RHBDD1: variants seen among roughly 807,000 people sequenced by gnomAD.
The protein encoded by RHBDD1 is rhomboid-related protein 4.
RHBDD1 carries 38 observed loss-of-function variants against 36.3 expected under a neutral mutation model. The ratio of observed to expected loss-of-function variants is 1.05; its 90% CI spans 0.81 to 1.37. RHBDD1 has a LOEUF of 1.37. Among genes scored for constraint, RHBDD1 ranks in the 40% most tolerant of loss-of-function variants. RHBDD1 has a pLI of 0.00. For missense variants in RHBDD1, 393 were observed against 377.6 expected (o/e 1.04, Z -0.34); for synonymous variants, 151 against 136.5 (o/e 1.11, Z -0.74).
At chr2:226,955,524 T>A (rs1237027941) in intron 8 of RHBDD1, among the ~76,000 whole-genome samples, 1 of 152,230 alleles carries the variant, frequency 6.6e-6, no homozygotes, top group Non-Finnish European at 1.5e-5. Flanking sequence ...AGCTGTGTCC[T>A]CCCATCTTGG....
the RHBDD1 span, among the ~76,000 whole-genome samples, chr2:226,809,848 C>CT: frequency 6.6e-6 from 1 of 152,102 alleles, no homozygotes. Context: ...AGGTAATTTA[C>CT]TGCAAAAGAC....
intron 8 of RHBDD1, among the ~76,000 whole-genome samples, chr2:226,940,318 C>T (rs1950584817): frequency 6.6e-6 from 1 of 152,242 alleles, no homozygotes; most frequent in Admixed American, 6.5e-5. Flanking sequence ...TCTAAAAGAG[C>T]TTCTGCACAC....
At chr2:226,946,076 A>C (rs1002214662) in intron 8 of RHBDD1, among the ~76,000 whole-genome samples, 11 of 152,038 alleles carry the variant, frequency 7.2e-5, no homozygotes, top group Non-Finnish European at 1.3e-4. Context: ...AGATTGCAAA[A>C]ATTTTCTCCC....
the RHBDD1 span, among the ~76,000 whole-genome samples, chr2:226,815,052 C>T: frequency 6.6e-6 from 1 of 152,212 alleles, no homozygotes; most frequent in Non-Finnish European, 1.5e-5. Flanking sequence ...TGCCTGCAAT[C>T]TGGCCACTCA....
chr2:226,844,128 A>G (rs928599411), intron 3 of RHBDD1, among the ~76,000 whole-genome samples: 1 of 152,180 alleles, frequency 6.6e-6, no homozygotes, highest in Non-Finnish European at 1.5e-5. Flanking sequence ...AAACTCTTCA[A>G]ATTAATGCTG....
At chr2:226,968,394 G>A (rs1046976829) in intron 8 of RHBDD1, among the ~76,000 whole-genome samples, 4 of 152,208 alleles carry the variant, frequency 2.6e-5, no homozygotes, top group Non-Finnish European at 5.9e-5. Flanking sequence ...TGAAGCTGTA[G>A]TCCACAAGCA....
At chr2:226,850,873 G>A (rs1942744511) in intron 3 of RHBDD1, among the ~76,000 whole-genome samples, 1 of 152,106 alleles carries the variant, frequency 6.6e-6, no homozygotes, top group South Asian at 2.1e-4. Flanking sequence ...GACTTCTTTG[G>A]TGACCATGAG....
intron 5 of RHBDD1, among the ~76,000 whole-genome samples, chr2:226,901,599 T>C (rs1947603325): frequency 6.6e-6 from 1 of 152,210 alleles, no homozygotes; most frequent in South Asian, 2.1e-4. Context: ...GATATCTCAT[T>C]GTGGTTTTGA....
At chr2:226,801,738 C>T in the RHBDD1 span, among the ~76,000 whole-genome samples, 2 of 152,006 alleles carry the variant, frequency 1.3e-5, no homozygotes, top group African/African-American at 4.8e-5. Flanking sequence ...GTATAGAGTG[C>T]CTTACAGGGG....
chr2:226,990,019 C>T (rs1472426462), intron 8 of RHBDD1, among the ~76,000 whole-genome samples: 1 of 152,124 alleles, frequency 6.6e-6, no homozygotes, highest in African/African-American at 2.4e-5. Context: ...TAAATATTAC[C>T]TTTCTCGTAA....
chr2:226,928,809 G>GA (rs1464681030), intron 8 of RHBDD1, among the ~76,000 whole-genome samples: 1 of 151,990 alleles, frequency 6.6e-6, no homozygotes, highest in African/African-American at 2.4e-5. Flanking sequence ...AATTAGAAAT[G>GA]AAAATGGAGA....
chr2:226,982,208 C>A (rs1955933548), intron 8 of RHBDD1, among the ~76,000 whole-genome samples: 1 of 152,324 alleles, frequency 6.6e-6, no homozygotes, highest in African/African-American at 2.4e-5. Flanking sequence ...ACCTTTGATA[C>A]CAGCCATAAC....
intron 8 of RHBDD1, among the ~76,000 whole-genome samples, chr2:226,991,374 GT>G (rs1277905357): frequency 6.6e-6 from 1 of 152,136 alleles, no homozygotes; most frequent in Non-Finnish European, 1.5e-5. Flanking sequence ...TAGAGTCGGG[GT>G]TTCACCACGT....
intron 5 of RHBDD1, among the ~76,000 whole-genome samples, chr2:226,883,696 C>G (rs1217182513): frequency 2.6e-5 from 4 of 152,090 alleles, no homozygotes; most frequent in African/African-American, 4.8e-5. Context: ...AGGTGCGAGA[C>G]TTGAGTACTA....
At chr2:226,897,634 C>G (rs185991892) in intron 5 of RHBDD1, among the ~76,000 whole-genome samples, 2 of 152,138 alleles carry the variant, frequency 1.3e-5, no homozygotes, top group Admixed American at 1.3e-4. Context: ...GACCACATGG[C>G]GAGAGAGGAA....
chr2:226,957,724 T>C (rs6748048), intron 8 of RHBDD1, among the ~76,000 whole-genome samples: 107,883 of 152,108 alleles, frequency 0.71, 39,514 homozygotes, highest in African/African-American at 0.9. Flanking sequence ...CACTCAGAAA[T>C]GGGCAAATGA....
At chr2:226,954,072 T>C (rs1951616439) in intron 8 of RHBDD1, among the ~76,000 whole-genome samples, 1 of 152,172 alleles carries the variant, frequency 6.6e-6, no homozygotes, top group African/African-American at 2.4e-5. Flanking sequence ...TTAACGACTG[T>C]TGATCGAATA....
chr2:226,807,195 T>C, the RHBDD1 span, among the ~76,000 whole-genome samples: 2 of 152,368 alleles, frequency 1.3e-5, no homozygotes, highest in African/African-American at 4.8e-5. Context: ...ATTGTGATAA[T>C]TGAGCTAATG....
At chr2:226,860,611 C>T (rs1207701394) in intron 3 of RHBDD1, among the ~76,000 whole-genome samples, 2 of 152,194 alleles carry the variant, frequency 1.3e-5, no homozygotes, top group African/African-American at 4.8e-5. Context: ...TGTCTTGTGA[C>T]AGGTTGCATC....
Sources: allele counts gnomAD v4.1 joint callset (sites outside exome capture counted in the v4.1 genomes callset), GRCh38; gene constraint gnomAD v4.1.1; transcripts MANE v1.5; gene names NCBI Gene and HGNC (gene_info 2026-07-23, HGNC 2026-07-21).